Variants in NUP133 observed in about 807,000 individuals in gnomAD.
NUP133 encodes the protein nuclear pore complex protein Nup133.
Under a neutral mutation model 146.2 loss-of-function variants are expected in NUP133, and 66 were observed. The observed-to-expected ratio is 0.45, with a 90% CI of 0.37 to 0.55. The LOEUF (loss-of-function observed/expected upper bound fraction) is 0.55. NUP133 is among the 20% of genes least tolerant of loss of function. NUP133 has a pLI of 0.00. For synonymous variants in NUP133, 521 were observed against 498.8 expected (o/e 1.04, Z -0.59); for missense variants, 1,277 against 1,374.8 (o/e 0.93, Z 1.12).
At chr1:229,486,569 A>G (rs563794910) in intron 10 of NUP133, 41 bp from the exon 11 acceptor site, 126 of 1,561,024 alleles carry the variant, frequency 8.1e-5, no homozygotes, top group Non-Finnish European at 1.0e-4. Context: ...TCTAACAATA[A>G]CAACAAAATG....
chr1:229,458,246 T>A lies in NUP133; in HGVS notation c.2895A>T (p.Ala965=). 1 of 1,613,650 alleles carries A rather than the reference T, an allele frequency of 6.2e-7. No homozygotes were observed. Among genetic ancestry groups the A allele is most frequent in the Non-Finnish European group, 8.5e-7 (1 of 1,179,704 alleles). ...TCAAGCCAAGAAGGGTTTTCTTCTT[T>A]GCAAAGTAACGAGTTTCCATATTTG... The part of the protein sequence containing the change: ...GLANMETRYF[A]KKKTLLGLSK... The change falls in exon 21 of 26, where the codon GCA becomes GCT. Residue 965 remains alanine, a synonymous_variant. Transcript: ENST00000261396.
chr1:229,447,052 A>C (rs1195642573), intron 24 of NUP133, among the ~76,000 whole-genome samples: 1 of 152,122 alleles, frequency 6.6e-6, no homozygotes, highest in East Asian at 1.9e-4. Flanking sequence ...TGAATCCGGG[A>C]GGCGGAGGTT....
intron 21 of NUP133, among the ~76,000 whole-genome samples, chr1:229,452,940 T>C (rs1660488003): frequency 6.6e-6 from 1 of 152,190 alleles, no homozygotes; most frequent in African/African-American, 2.4e-5. Context: ...GGAGAGCAGA[T>C]AGCTATTTCA....
chr1:229,507,428 TG>T (rs1158855537), intron 1 of NUP133, among the ~76,000 whole-genome samples: 1 of 152,028 alleles, frequency 6.6e-6, no homozygotes, highest in East Asian at 1.9e-4. Flanking sequence ...TGGTGTGTGT[TG>T]GGGGTGGGGA....
chr1:229,441,693 G>T lies in NUP133; in HGVS notation c.*211C>A. 1 of 454,492 alleles carries T rather than the reference G, an allele frequency of 2.2e-6. No homozygotes were observed. Among genetic ancestry groups the T allele is most frequent in the Non-Finnish European group, 3.9e-6 (1 of 253,946 alleles). 28.2% of individuals were successfully genotyped at this position (454,492 alleles called of 1,614,324 possible). ...GGCACCGAGTACAGGAACAACAACT[G>T]ACACATTTCAGGTGGAAAAAACAAG... is the stretch of plus-strand genomic sequence containing the variant. On this transcript the variant is annotated 3_prime_UTR_variant, in exon 26 of 26. Coordinates refer to ENST00000261396, the MANE Select transcript of NUP133 (RefSeq NM_018230.3).
At chr1:229,497,262 TAGA>T (rs1415545944) in intron 6 of NUP133, among the ~76,000 whole-genome samples, 1 of 152,204 alleles carries the variant, frequency 6.6e-6, no homozygotes, top group African/African-American at 2.4e-5. Flanking sequence ...TAGTTTGCTA[TAGA>T]AGGAGAGGGA....
intron 5 of NUP133, chr1:229,499,040 A>G (rs1038399295): frequency 2.1e-5 from 8 of 378,084 alleles, no homozygotes; most frequent in South Asian, 1.6e-4. Flanking sequence ...CTGGGACTAC[A>G]GGCACACACC....
intron 5 of NUP133, chr1:229,499,129 G>A (rs1398243448): frequency 2.2e-6 from 1 of 463,618 alleles, no homozygotes; most frequent in Admixed American, 2.4e-5. Context: ...TGAACTCCTG[G>A]CCTCAGGCAA....
intron 12 of NUP133, among the ~76,000 whole-genome samples, chr1:229,478,115 C>A (rs376387319): frequency 6.6e-6 from 1 of 151,860 alleles, no homozygotes; most frequent in Non-Finnish European, 1.5e-5. Context: ...ATGTACCCCA[C>A]AAACGTATAC....
At position 229,452,582 on chromosome 1, in the gene NUP133, C is replaced by T. The variant is rs144837509; in HGVS notation, c.3042G>A (p.Ala1014=). 43 of 1,613,786 alleles carry T rather than the reference C, an allele frequency of 2.7e-5. No homozygotes were observed. The highest frequency in any genetic ancestry group is 8.8e-5 in the South Asian group (8 of 91,054). ...TCGCACTGAGATTTAGCTGTTTCTC[C>T]GCCAGCAGCTGTTCAGGTAGGGTCT... The part of the protein sequence containing the change: ...HQETLPEQLL[A]EKQLNLSAMP... The change falls in exon 22 of 26, where the codon GCG becomes GCA. Residue 1014 remains alanine, a synonymous_variant. Coordinates refer to ENST00000261396, the MANE Select transcript of NUP133 (RefSeq NM_018230.3).
chr1:229,450,662 A>C (rs1371524144), intron 22 of NUP133, 57 bp from the exon 23 acceptor site: 1 of 811,566 alleles, frequency 1.2e-6, no homozygotes, highest in East Asian at 2.7e-5. Flanking sequence ...AATACTAGAG[A>C]CATTTATGGA....
intron 4 of NUP133, among the ~76,000 whole-genome samples, chr1:229,500,517 C>A (rs549523228): frequency 7.9e-5 from 12 of 152,276 alleles, no homozygotes; most frequent in Middle Eastern, 3.4e-3. Flanking sequence ...AAAAACCATC[C>A]TTTCTGAATT....
rs56383157 is a variant in NUP133, at chr1:229,505,564, TAAAAAAAAAA to T, written c.301+466_301+475del. On this transcript the variant is annotated intron_variant, in intron 2 of 25. Coordinates refer to ENST00000261396, the MANE Select transcript of NUP133 (RefSeq NM_018230.3). ...ATGTATTATACATCTCAATTACAGT[TAAAAAAAAAA>T]AAAAAAAAAAAAAAAAAAACTAAGA... 5.5e-4 allele frequency among the ~76,000 whole-genome samples: 35 copies of T among 63,238 alleles called. No homozygotes were observed. In the East Asian group the frequency reaches 0.011, roughly 20 times the overall value. 41.5% of individuals were successfully genotyped at this position (63,238 alleles called of 152,430 possible).
rs1430725955 is a variant in NUP133 at position 229,489,107 on chromosome 1, C to T, written c.1194+848G>A. 2.0e-5 allele frequency among the ~76,000 whole-genome samples: 3 copies of T among 152,158 alleles called. No individual in the cohort carries two copies. In the East Asian group the frequency reaches 5.8e-4, roughly 29 times the overall value. On this transcript the variant is annotated intron_variant, in intron 9 of 25. Coordinates refer to ENST00000261396, the MANE Select transcript of NUP133 (RefSeq NM_018230.3). ...TTTCTATAGTATACAAGGCTCTAAA[C>T]CAAACCCTAATTCCTACCAGTTTTC...
intron 23 of NUP133, among the ~76,000 whole-genome samples, chr1:229,450,251 A>G (rs1454388533): frequency 3.9e-5 from 6 of 152,252 alleles, no homozygotes; most frequent in Admixed American, 3.9e-4. Flanking sequence ...TTAATAAATG[A>G]AAGACAAAAA....
chr1:229,444,454 A>G (rs1003075380), intron 25 of NUP133, among the ~76,000 whole-genome samples: 1 of 152,228 alleles, frequency 6.6e-6, no homozygotes, highest in African/African-American at 2.4e-5. Context: ...CTGCCCTTAA[A>G]TATTAGTGCT....
At chr1:229,471,333 A>C (rs987216936) in intron 14 of NUP133, among the ~76,000 whole-genome samples, 1 of 152,066 alleles carries the variant, frequency 6.6e-6, no homozygotes, top group African/African-American at 2.4e-5. Context: ...GATCTTGGCC[A>C]CAAGATCTCC....
intron 24 of NUP133, among the ~76,000 whole-genome samples, chr1:229,445,736 G>C (rs968476927): frequency 2.0e-4 from 30 of 152,158 alleles, no homozygotes; most frequent in African/African-American, 6.5e-4. Context: ...CTAAGACAAG[G>C]AATTCTAATC....
intron 8 of NUP133, among the ~76,000 whole-genome samples, chr1:229,492,922 TA>T (rs942300640): frequency 9.3e-5 from 14 of 150,312 alleles, no homozygotes; most frequent in East Asian, 3.9e-4. Context: ...AATAAAAATT[TA>T]AAAAAAAAAT....
Sources: allele counts gnomAD v4.1 joint callset (sites outside exome capture counted in the v4.1 genomes callset), GRCh38; gene constraint gnomAD v4.1.1; transcripts MANE v1.5; gene names NCBI Gene and HGNC (gene_info 2026-07-23, HGNC 2026-07-21).